The following INPP5F variants were observed in gnomAD, a reference collection of about 807,000 sequenced individuals.
INPP5F encodes the protein phosphatidylinositide 4-phosphatase SAC2.
In INPP5F, 97 loss-of-function variants were observed where a neutral mutation model predicts 137.2. The ratio of observed to expected loss-of-function variants is 0.71; its 90% CI spans 0.60 to 0.84. The LOEUF (loss-of-function observed/expected upper bound fraction) is 0.84, where lower values mean the gene tolerates loss of function less well. Among genes scored for constraint, INPP5F ranks in the 40% least tolerant of loss-of-function variants. INPP5F has a pLI of 0.00. For missense variants in INPP5F, 1,271 were observed against 1,371.9 expected (o/e 0.93, Z 1.16); for synonymous variants, 504 against 476.9 (o/e 1.06, Z -0.74).
At chr10:119,785,302 T>TTTTTTG (rs1554889600) in intron 3 of INPP5F, among the ~76,000 whole-genome samples, 1 of 147,632 alleles carries the variant, frequency 6.8e-6, no homozygotes, top group Non-Finnish European at 1.5e-5. Context: ...TTTTTTTTTT[T>TTTTTTG]GGAGACGGAG....
intron 2 of INPP5F, among the ~76,000 whole-genome samples, chr10:119,753,859 T>C (rs1406803478): frequency 6.6e-6 from 1 of 152,166 alleles, no homozygotes; most frequent in African/African-American, 2.4e-5. Flanking sequence ...CACTTTTTAA[T>C]GAAGAACCCA....
At chr10:119,794,332 G>T (rs1298827345) in intron 6 of INPP5F, among the ~76,000 whole-genome samples, 1 of 152,070 alleles carries the variant, frequency 6.6e-6, no homozygotes, top group Admixed American at 6.5e-5. Context: ...CACAGGGTTG[G>T]GGGGTAAGGT....
At chr10:119,730,320 G>C (rs543701570) in intron 1 of INPP5F, among the ~76,000 whole-genome samples, 1 of 152,320 alleles carries the variant, frequency 6.6e-6, no homozygotes, top group South Asian at 2.1e-4. Context: ...ATGTTGGCCA[G>C]GCTGGTCTCG....
rs556314925 is a variant in INPP5F, at chr10:119,804,370, T to G, written c.1241+73T>G. 2.1e-5 allele frequency: 25 copies of G among 1,206,116 alleles called. 1 individual carries two copies. In the South Asian group the frequency reaches 2.5e-4, roughly 12 times the overall value. 74.7% of individuals were successfully genotyped at this position (1,206,116 alleles called of 1,614,324 possible). On this transcript the variant is annotated intron_variant, in intron 10 of 19. Coordinates refer to ENST00000650623, the MANE Select transcript of INPP5F (RefSeq NM_014937.4). Reference sequence around the variant, plus strand: ...GTAGATGCTGCCACAGGGACCTTAGTTTCTCTTCTTTGCTGGGAATAAAAA... The same window carrying G: ...GTAGATGCTGCCACAGGGACCTTAGGTTCTCTTCTTTGCTGGGAATAAAAA...
At chr10:119,799,818 T>C (rs191355105) in intron 9 of INPP5F, among the ~76,000 whole-genome samples, 10 of 152,232 alleles carry the variant, frequency 6.6e-5, no homozygotes, top group African/African-American at 1.9e-4. Context: ...GAAGAAAAAA[T>C]AGACATCTTT....
At chr10:119,754,196 G>A (rs1467149041) in intron 2 of INPP5F, among the ~76,000 whole-genome samples, 3 of 152,242 alleles carry the variant, frequency 2.0e-5, no homozygotes, top group Non-Finnish European at 4.4e-5. Flanking sequence ...CCAGGGTCAC[G>A]TAGATCAGAC....
rs1412626453 is a variant in INPP5F, at chr10:119,828,987, TC to T, written c.*1208del. 1.3e-5 allele frequency: 2 copies of T among 152,674 alleles called. No homozygotes were observed. Among genetic ancestry groups the T allele is most frequent in the Non-Finnish European group, 2.9e-5 (2 of 68,040 alleles). The allele number at this position is 152,674 out of a possible 1,614,324, so 9.5% of individuals were successfully genotyped here. A position where few individuals can be genotyped will look rare whatever the true frequency, so the allele number is the denominator to read the frequency against. ...CCAACAAGTATTGGTTCGTCTGGTG[TC>T]TTTAGAGCTTTACTCTGTTGAAGTG... On this transcript the variant is annotated 3_prime_UTR_variant, in exon 20 of 20. Coordinates refer to ENST00000650623, the MANE Select transcript of INPP5F (RefSeq NM_014937.4).
At chr10:119,782,685 GAAAAT>G (rs891079986) in intron 3 of INPP5F, among the ~76,000 whole-genome samples, 1 of 152,072 alleles carries the variant, frequency 6.6e-6, no homozygotes, top group Admixed American at 6.5e-5. Flanking sequence ...ATGGATTTTA[GAAAAT>G]AAAATAAAAA....
chr10:119,769,487 G>A (rs374907513), intron 2 of INPP5F, among the ~76,000 whole-genome samples: 17 of 152,074 alleles, frequency 1.1e-4, no homozygotes, highest in Non-Finnish European at 2.9e-5. Context: ...CAGAAAGCTG[G>A]TACAAAATGA....
At chr10:119,794,613 T>C (rs1850262683) in intron 6 of INPP5F, among the ~76,000 whole-genome samples, 1 of 143,904 alleles carries the variant, frequency 6.9e-6, no homozygotes, top group Admixed American at 7.0e-5. Context: ...AAGGCGCCCC[T>C]CACCTCCCGT....
intron 6 of INPP5F, among the ~76,000 whole-genome samples, chr10:119,793,255 C>G (rs894922659): frequency 6.6e-6 from 1 of 152,224 alleles, no homozygotes; most frequent in African/African-American, 2.4e-5. Context: ...ATAAATTTCT[C>G]TATGCCTGTC....
At chr10:119,795,537 G>A (rs1589724505) in intron 6 of INPP5F, among the ~76,000 whole-genome samples, 1 of 151,048 alleles carries the variant, frequency 6.6e-6, no homozygotes, top group African/African-American at 2.4e-5. Context: ...GGGAAGAGGC[G>A]CTCCTCACTT....
intron 3 of INPP5F, among the ~76,000 whole-genome samples, chr10:119,790,334 G>A (rs1589717513): frequency 6.6e-6 from 1 of 152,162 alleles, no homozygotes; most frequent in Non-Finnish European, 1.5e-5. Context: ...AGCTGTTCTG[G>A]TAATAGGAGT....
At position 119,827,867 on chromosome 10, in the gene INPP5F, C is replaced by T. The variant is rs563618573; in HGVS notation, c.*87C>T. ...GGGTATTTTAATTGTACTGTCTGAA[C>T]CCAGGGATCACAAATTCTGTTCATT... On this transcript the variant is annotated 3_prime_UTR_variant, in exon 20 of 20. Coordinates refer to ENST00000650623, the MANE Select transcript of INPP5F (RefSeq NM_014937.4). 2 of 996,062 alleles carry T rather than the reference C, an allele frequency of 2.0e-6. No homozygotes were observed. The highest frequency in any genetic ancestry group is 3.0e-6 in the Non-Finnish European group (2 of 677,734). The allele number at this position is 996,062 out of a possible 1,614,324, so 61.7% of individuals were successfully genotyped here.
chr10:119,736,179 C>G (rs775942023), intron 1 of INPP5F, among the ~76,000 whole-genome samples: 1 of 152,168 alleles, frequency 6.6e-6, no homozygotes, highest in Non-Finnish European at 1.5e-5. Flanking sequence ...TGCCATATTT[C>G]TTGGGTGATG....
chr10:119,819,990 T>C (rs947534228), intron 15 of INPP5F, among the ~76,000 whole-genome samples: 1 of 152,240 alleles, frequency 6.6e-6, no homozygotes, highest in Non-Finnish European at 1.5e-5. Context: ...ATGTCGGCTT[T>C]CTTACAGTGG....
intron 1 of INPP5F, among the ~76,000 whole-genome samples, chr10:119,727,288 A>C (rs186191177): frequency 6.6e-6 from 1 of 152,242 alleles, no homozygotes; most frequent in Non-Finnish European, 1.5e-5. Context: ...TGTAATTCTT[A>C]TGTGCAGTCT....
At chr10:119,810,791 G>A (rs2134257207) in intron 14 of INPP5F, among the ~76,000 whole-genome samples, 1 of 152,288 alleles carries the variant, frequency 6.6e-6, no homozygotes, top group South Asian at 2.1e-4. Flanking sequence ...TCATGAAGAT[G>A]TTACTGTATA....
In INPP5F at chr10:119,791,541, A is replaced by G. The variant is rs140136354; in HGVS notation, c.340A>G (p.Ile114Val). ...LELCKKHHFG[I>V]NKPEKIIPSP... ...GCTCTGTAAGAAGCATCATTTTGGT[A>G]TTAACAAACCAGAGAAGATCATACC... The change falls in exon 4 of 20, where the codon ATT (isoleucine) becomes GTT (valine). Residue 114 changes from isoleucine (I) to valine (V), a missense_variant. Around this residue, in one of 6 missense-constraint regions of INPP5F, gnomAD observed 62 missense variants for 55.0 expected, o/e 1.13. Transcript: ENST00000650623. 42 of 1,602,352 alleles carry G rather than the reference A, an allele frequency of 2.6e-5. No homozygotes were observed. Among genetic ancestry groups the G allele is most frequent in the Admixed American group, 6.7e-5 (4 of 59,908 alleles).
Sources: gnomAD v4.1 joint callset for allele counts (sites outside exome capture counted in the v4.1 genomes callset) on GRCh38, gnomAD v4.1.1 for gene constraint, gnomAD v4.1.1 regional missense constraint, MANE v1.5 for transcripts, NCBI Gene and HGNC (gene_info 2026-07-23, HGNC 2026-07-21) for gene names.